The following MAN1C1 variants were observed in gnomAD, a reference collection of about 807,000 sequenced individuals.
MAN1C1 encodes mannosyl-oligosaccharide 1,2-alpha-mannosidase IC.
Under a neutral mutation model 71.5 loss-of-function variants are expected in MAN1C1, and 49 were observed. That is an observed-to-expected ratio of 0.69 (90% CI 0.54 to 0.87). The LOEUF is 0.87. Ranked by LOEUF, MAN1C1 falls within the 40% of genes least tolerant of loss-of-function variation. The pLI, the probability that MAN1C1 is intolerant of heterozygous loss-of-function variation, is 0.00. For synonymous variants in MAN1C1, 352 were observed against 343.7 expected (o/e 1.02, Z -0.27); for missense variants, 743 against 835.0 (o/e 0.89, Z 1.36).
rs59710145 is a variant in MAN1C1 at position 25,656,095 on chromosome 1, C to CTTTTTTTTTTTTTTTTTTTTTTT, written c.541-30323_541-30322insTTTTTTTTTTTTTTTTTTTTTTT. Reference sequence around the variant, plus strand: ...TATGTCTTAGGTTGGGATTATCAGTCTTTTTTTTTTTTTTTTTTTTTTGAG... The same window carrying CTTTTTTTTTTTTTTTTTTTTTTT: ...TATGTCTTAGGTTGGGATTATCAGTCTTTTTTTTTTTTTTTTTTTTTTTTTTTTTTTTTTTTTTTTTTTTTGAG... On this transcript the variant is annotated intron_variant, in intron 1 of 11. Transcript: ENST00000374332. 1.5e-4 allele frequency among the ~76,000 whole-genome samples: 11 copies of CTTTTTTTTTTTTTTTTTTTTTTT among 74,976 alleles called. 2 individuals are homozygous for CTTTTTTTTTTTTTTTTTTTTTTT. The highest frequency in any genetic ancestry group is 5.7e-4 in the African/African-American group (7 of 12,206). 49.2% of individuals were successfully genotyped at this position (74,976 alleles called of 152,430 possible).
intron 1 of MAN1C1, among the ~76,000 whole-genome samples, chr1:25,652,527 G>T (rs866005366): frequency 1.1e-4 from 17 of 152,208 alleles, no homozygotes; most frequent in African/African-American, 4.1e-4. Context: ...AGCCCTTGGT[G>T]CATGGCTGGT....
rs1359609068 is a variant in MAN1C1 at position 25,618,152 on chromosome 1, G to A, written c.355G>A (p.Glu119Lys). The change falls in exon 1 of 12, where the codon GAG becomes AAG. Residue 119 changes from glutamate to lysine, a missense_variant. Transcript: ENST00000374332. ...GCGCACCCGCCCCACTGGACCCCGCGAGGAGGCCACGGCGGCCCGGGGCAA... is the reference window on the plus strand; with the variant it reads ...GCGCACCCGCCCCACTGGACCCCGCAAGGAGGCCACGGCGGCCCGGGGCAA... ...LRRTRPTGPREEATAARGNSI... is the reference protein window; with the variant it reads ...LRRTRPTGPRKEATAARGNSI... 4 of 1,539,968 alleles carry A rather than the reference G, an allele frequency of 2.6e-6. No individual in the cohort carries two copies. Among genetic ancestry groups the A allele is most frequent in the Non-Finnish European group, 3.5e-6 (4 of 1,149,868 alleles).
intron 1 of MAN1C1, among the ~76,000 whole-genome samples, chr1:25,673,417 C>T (rs1284566356): frequency 6.6e-6 from 1 of 152,166 alleles, no homozygotes; most frequent in Non-Finnish European, 1.5e-5. Context: ...TGCTTACTTG[C>T]TATGATACTT....
At chr1:25,670,161 G>C (rs1276520822) in intron 1 of MAN1C1, among the ~76,000 whole-genome samples, 1 of 152,172 alleles carries the variant, frequency 6.6e-6, no homozygotes, top group African/African-American at 2.4e-5. Context: ...CAAAGGCTCT[G>C]AAACCCATCA....
intron 4 of MAN1C1, among the ~76,000 whole-genome samples, chr1:25,752,020 ACC>A: frequency 6.6e-6 from 1 of 151,778 alleles, no homozygotes; most frequent in South Asian, 2.1e-4. Flanking sequence ...GGTGAAGGAG[ACC>A]CCACACTTTT....
chr1:25,678,474 A>G (rs2046100312), intron 1 of MAN1C1, among the ~76,000 whole-genome samples: 1 of 152,220 alleles, frequency 6.6e-6, no homozygotes. Context: ...ATCGTTAAAC[A>G]GTTTCCTGTT....
intron 7 of MAN1C1, among the ~76,000 whole-genome samples, chr1:25,766,632 G>A (rs565817357): frequency 2.3e-4 from 35 of 152,048 alleles, no homozygotes; most frequent in African/African-American, 7.7e-4. Flanking sequence ...CCCAAGACCC[G>A]TCCTATTGCT....
intron 1 of MAN1C1, among the ~76,000 whole-genome samples, chr1:25,682,221 G>A (rs762659362): frequency 6.6e-5 from 10 of 152,206 alleles, no homozygotes; most frequent in African/African-American, 1.9e-4. Flanking sequence ...AAACCTGAGG[G>A]TAGATGCAGA....
rs573911469 is a variant in MAN1C1, at chr1:25,634,938, T to A, written c.540+16601T>A. Reference sequence around the variant, plus strand: ...TTTATGAGGGATATTGGTCTATAGTTTTTTTTTTTGTAAATCCTTTGTCTG... The same window carrying A: ...TTTATGAGGGATATTGGTCTATAGTATTTTTTTTTGTAAATCCTTTGTCTG... On this transcript the variant is annotated intron_variant, in intron 1 of 11. Coordinates refer to ENST00000374332, the MANE Select transcript of MAN1C1 (RefSeq NM_020379.4). The surrounding 1 kb of genome is among the most constrained non-coding windows in gnomAD (Gnocchi z 4.6). Among the ~76,000 whole-genome samples, 2 of 151,284 alleles carry A rather than the reference T, an allele frequency of 1.3e-5. No homozygotes were observed. Among genetic ancestry groups the A allele is most frequent in the Non-Finnish European group, 3.0e-5 (2 of 67,756 alleles).
chr1:25,712,421 C>T (rs933265007), intron 2 of MAN1C1, among the ~76,000 whole-genome samples: 1 of 152,218 alleles, frequency 6.6e-6, no homozygotes. Flanking sequence ...TCCACAGCAG[C>T]CCCAGCCTAG....
At chr1:25,664,051 C>T (rs1227808802) in intron 1 of MAN1C1, among the ~76,000 whole-genome samples, 2 of 152,080 alleles carry the variant, frequency 1.3e-5, no homozygotes, top group African/African-American at 4.8e-5. Context: ...TTAAGCCTCC[C>T]CAGAAGGGGG....
At chr1:25,724,658 T>C (rs2124285054) in intron 2 of MAN1C1, among the ~76,000 whole-genome samples, 1 of 152,240 alleles carries the variant, frequency 6.6e-6, no homozygotes, top group Middle Eastern at 3.4e-3. Context: ...GGGTAAGGAA[T>C]TGGGACCATT....
At chr1:25,694,693 G>T (rs2046348083) in intron 2 of MAN1C1, among the ~76,000 whole-genome samples, 1 of 152,196 alleles carries the variant, frequency 6.6e-6, no homozygotes, top group Non-Finnish European at 1.5e-5. Context: ...CAGCCTTGGT[G>T]GGTCTTTTTG....
At chr1:25,717,662 G>A (rs905112382) in intron 2 of MAN1C1, among the ~76,000 whole-genome samples, 10 of 148,384 alleles carry the variant, frequency 6.7e-5, no homozygotes, top group Admixed American at 1.4e-4. Context: ...TGCAGCCTCC[G>A]CCTCCCGGGT....
At chr1:25,656,642 GC>G (rs2124086803) in intron 1 of MAN1C1, among the ~76,000 whole-genome samples, 1 of 152,242 alleles carries the variant, frequency 6.6e-6, no homozygotes, top group South Asian at 2.1e-4. Flanking sequence ...GTCAGGCTGT[GC>G]TTAAGCCTGC....
chr1:25,780,420 AGTTT>A (rs2047677380), intron 9 of MAN1C1, among the ~76,000 whole-genome samples: 1 of 152,060 alleles, frequency 6.6e-6, no homozygotes, highest in African/African-American at 2.4e-5. Flanking sequence ...AAACTCTCGA[AGTTT>A]GTTCTGGGAG....
Position 25,769,060 on chromosome 1 carries a change from CACCACCCACACTCCCACACACACACCT to C in MAN1C1, c.1142-2595_1142-2569del, listed in dbSNP as rs2047507014. Reference sequence around the variant, plus strand: ...CACCCACACTCCCACACACACTACACACCACCCACACTCCCACACACACACCTATCACCCACACTCCCTCCCACACAC... The same window carrying C: ...CACCCACACTCCCACACACACTACACATCACCCACACTCCCTCCCACACAC... On this transcript the variant is annotated intron_variant, in intron 7 of 11. Transcript: ENST00000374332. The surrounding 1 kb of genome is among the most constrained non-coding windows in gnomAD (Gnocchi z 4.8). Among the ~76,000 whole-genome samples, 1 of 145,510 alleles carries C rather than the reference CACCACCCACACTCCCACACACACACCT, an allele frequency of 6.9e-6. No homozygotes were observed. The highest frequency in any genetic ancestry group is 1.5e-5 in the Non-Finnish European group (1 of 65,864).
chr1:25,781,271 A>G (rs946130876), intron 10 of MAN1C1, 159 bp downstream of exon 10: 6 of 763,788 alleles, frequency 7.9e-6, no homozygotes, highest in Admixed American at 2.9e-5. Context: ...GTGGTTACAG[A>G]GCCAAGAGTC....
chr1:25,751,975 T>G (rs2047222288), intron 4 of MAN1C1, among the ~76,000 whole-genome samples: 1 of 152,008 alleles, frequency 6.6e-6, no homozygotes, highest in South Asian at 2.1e-4. Flanking sequence ...GTCTTTCCAT[T>G]CTTAAAATTT....
Sources: allele counts gnomAD v4.1 joint callset (sites outside exome capture counted in the v4.1 genomes callset), GRCh38; gene constraint gnomAD v4.1.1; non-coding constraint Gnocchi (gnomAD v3.1); transcripts MANE v1.5; gene names NCBI Gene and HGNC (gene_info 2026-07-23, HGNC 2026-07-21).